Variants in FOXN3 observed in about 807,000 individuals in gnomAD.
The protein encoded by FOXN3 is forkhead box protein N3.
A neutral mutation model predicts 38.4 loss-of-function variants in FOXN3; 7 were observed. The observed-to-expected ratio is 0.18, with a 90% CI of 0.10 to 0.34. FOXN3 has a LOEUF of 0.34. Among genes scored for constraint, FOXN3 ranks in the 10% least tolerant of loss-of-function variants. The probability of loss-of-function intolerance (pLI) is 1.00; values close to 1 mark genes in which losing one functional copy is unlikely to be tolerated. For missense variants in FOXN3, 456 were observed against 613.4 expected (o/e 0.74, Z 2.71); for synonymous variants, 230 against 242.2 (o/e 0.95, Z 0.47).
chr14:89,286,655 C>T (rs1886637433), intron 3 of FOXN3, among the ~76,000 whole-genome samples: 1 of 152,158 alleles, frequency 6.6e-6, no homozygotes, highest in South Asian at 2.1e-4. Context: ...CATTGTTTTG[C>T]CTTATAACTG....
chr14:89,493,344 C>T (rs1285560506), intron 1 of FOXN3, among the ~76,000 whole-genome samples: 1 of 152,114 alleles, frequency 6.6e-6, no homozygotes, highest in Non-Finnish European at 1.5e-5. Flanking sequence ...ATCCATTAAC[C>T]TAATACCTAG....
intron 1 of FOXN3, among the ~76,000 whole-genome samples, chr14:89,596,816 A>G (rs1446076726): frequency 6.6e-6 from 1 of 152,262 alleles, no homozygotes; most frequent in East Asian, 1.9e-4. Flanking sequence ...AAAGTTTTTC[A>G]TAATATTCTC....
rs145791064 is a variant in FOXN3, at chr14:89,248,822, A to C, written c.745+32128T>G. ...TCCAAGAAACAGGTGAATTTTTTTA[A>C]AGCCATTCTAATGGTTTAAACAGCT... On this transcript the variant is annotated intron_variant, in intron 4 of 5. Coordinates refer to ENST00000557258, the MANE Select transcript of FOXN3 (RefSeq NM_005197.4). 1.7e-3 allele frequency among the ~76,000 whole-genome samples: 264 copies of C among 152,354 alleles called. 2 individuals are homozygous for C. Among genetic ancestry groups the C allele is most frequent in the African/African-American group, 6.1e-3 (252 of 41,594 alleles).
At chr14:89,527,850 C>T (rs771785346) in intron 1 of FOXN3, among the ~76,000 whole-genome samples, 8 of 151,872 alleles carry the variant, frequency 5.3e-5, no homozygotes, top group South Asian at 2.1e-4. Context: ...TGCAGGTGTG[C>T]GCCACCACAT....
intron 1 of FOXN3, among the ~76,000 whole-genome samples, chr14:89,442,084 G>A (rs1185324678): frequency 6.6e-6 from 1 of 152,024 alleles, no homozygotes; most frequent in African/African-American, 2.4e-5. Context: ...GCGCCACCAC[G>A]CTTGGCTAAT....
chr14:89,189,364 CA>C (rs1887887087), intron 4 of FOXN3, among the ~76,000 whole-genome samples: 1 of 152,174 alleles, frequency 6.6e-6, no homozygotes, highest in South Asian at 2.1e-4. Context: ...AGCCAGAACC[CA>C]AAATGAGCTG....
intron 1 of FOXN3, among the ~76,000 whole-genome samples, chr14:89,601,110 G>A (rs1164913191): frequency 2.0e-5 from 3 of 152,172 alleles, no homozygotes; most frequent in Non-Finnish European, 4.4e-5. Flanking sequence ...AGCCCAGGGA[G>A]ATGCTCAATC....
chr14:89,320,935 T>G (rs4904545), intron 3 of FOXN3, among the ~76,000 whole-genome samples: 115,783 of 152,070 alleles, frequency 0.76, 44,244 homozygotes, highest in Middle Eastern at 0.83. Context: ...TTTTATGAAC[T>G]GTTTATATGC....
intron 1 of FOXN3, among the ~76,000 whole-genome samples, chr14:89,556,507 G>A (rs145730639): frequency 6.6e-6 from 1 of 152,156 alleles, no homozygotes; most frequent in East Asian, 1.9e-4. Context: ...AGGGGAATTA[G>A]GAGGGACTAT....
At chr14:89,227,967 G>T (rs7156851) in intron 4 of FOXN3, among the ~76,000 whole-genome samples, 3 of 151,966 alleles carry the variant, frequency 2.0e-5, no homozygotes, top group African/African-American at 7.3e-5. Context: ...CTTGAACTCC[G>T]GGCCTCAAGC....
At chr14:89,377,728 T>C (rs1337001406) in intron 2 of FOXN3, among the ~76,000 whole-genome samples, 1 of 152,174 alleles carries the variant, frequency 6.6e-6, no homozygotes, top group Non-Finnish European at 1.5e-5. Flanking sequence ...TCTCCACAGG[T>C]GTTACAAAAT....
At position 89,370,068 on chromosome 14, in the gene FOXN3, CTG is replaced by C. The variant is rs1890270917; in HGVS notation, c.544-19262_544-19261del. Among the ~76,000 whole-genome samples, 12 of 98,070 alleles carry C rather than the reference CTG, an allele frequency of 1.2e-4. No homozygotes were observed. In the South Asian group the frequency reaches 1.4e-3, roughly 11 times the overall value. 64.3% of individuals were successfully genotyped at this position (98,070 alleles called of 152,430 possible). On this transcript the variant is annotated intron_variant, in intron 2 of 5. Coordinates refer to ENST00000557258, the MANE Select transcript of FOXN3 (RefSeq NM_005197.4). ...AGTGTCACAAAAATGCTTTCTAATA[CTG>C]TGTGTGCACACACGTTTTCTTTAAT...
chr14:89,354,854 CA>C (rs1275939225), intron 2 of FOXN3, among the ~76,000 whole-genome samples: 1 of 148,986 alleles, frequency 6.7e-6, no homozygotes, highest in South Asian at 2.2e-4. Context: ...GACTCCGTCT[CA>C]AAAAATAAAT....
chr14:89,203,325 G>A (rs1485724231), intron 4 of FOXN3, among the ~76,000 whole-genome samples: 1 of 152,170 alleles, frequency 6.6e-6, no homozygotes, highest in Non-Finnish European at 1.5e-5. Context: ...AGCAAACATC[G>A]CAGAATTCCC....
rs745674099 is a variant in FOXN3 at position 89,161,556 on chromosome 14, C to CGCGTGTGT, written c.*857_*858insACACACGC. 1 of 109,390 alleles carries CGCGTGTGT rather than the reference C, an allele frequency of 9.1e-6. No homozygotes were observed. The highest frequency in any genetic ancestry group is 3.1e-5 in the African/African-American group (1 of 32,510). 6.8% of individuals were successfully genotyped at this position (109,390 alleles called of 1,614,324 possible). On this transcript the variant is annotated 3_prime_UTR_variant, in exon 6 of 6. Coordinates refer to ENST00000557258, the MANE Select transcript of FOXN3 (RefSeq NM_005197.4). Reference sequence around the variant, plus strand: ...CCATCAGTTTTCTCTCTCTCTCCTTCGTGTGTGTGTGTGTGTGTGTGTGTG... The same window carrying CGCGTGTGT: ...CCATCAGTTTTCTCTCTCTCTCCTTCGCGTGTGTGTGTGTGTGTGTGTGTGTGTGTGTG...
intron 1 of FOXN3, among the ~76,000 whole-genome samples, chr14:89,416,489 C>G (rs2140101965): frequency 6.6e-6 from 1 of 152,230 alleles, no homozygotes; most frequent in Non-Finnish European, 1.5e-5. Context: ...CAAGTCTGCA[C>G]AGTTTGGCCG....
intron 2 of FOXN3, among the ~76,000 whole-genome samples, chr14:89,365,916 C>T (rs1465859879): frequency 6.6e-6 from 1 of 152,124 alleles, no homozygotes; most frequent in Non-Finnish European, 1.5e-5. Flanking sequence ...TACAGAGAAA[C>T]ATAAAGTAAC....
intron 1 of FOXN3, among the ~76,000 whole-genome samples, chr14:89,428,329 C>G (rs1892085484): frequency 6.6e-6 from 1 of 152,204 alleles, no homozygotes; most frequent in Non-Finnish European, 1.5e-5. Flanking sequence ...TTGAAATCCT[C>G]ACTCCTTCCC....
At chr14:89,275,223 T>C (rs1436136370) in intron 4 of FOXN3, among the ~76,000 whole-genome samples, 6 of 152,140 alleles carry the variant, frequency 3.9e-5, no homozygotes, top group Non-Finnish European at 7.4e-5. Flanking sequence ...AAAATCATCT[T>C]GTTTGGGGAT....
Sources: gnomAD v4.1 joint callset for allele counts (sites outside exome capture counted in the v4.1 genomes callset) on GRCh38, gnomAD v4.1.1 for gene constraint, MANE v1.5 for transcripts, NCBI Gene and HGNC (gene_info 2026-07-23, HGNC 2026-07-21) for gene names.